PRR7: variants seen among roughly 807,000 people sequenced by gnomAD.
PRR7 encodes the protein proline rich 7, synaptic, also known as proline-rich protein 7.
A neutral mutation model predicts 18.5 loss-of-function variants in PRR7; 8 were observed. That is an observed-to-expected ratio of 0.43 (90% CI 0.25 to 0.78). The LOEUF is 0.78. Among genes scored for constraint, PRR7 ranks in the 30% least tolerant of loss-of-function variants. The pLI, the probability that PRR7 is intolerant of heterozygous loss-of-function variation, is 0.22. For missense variants in PRR7, 396 were observed against 403.1 expected (o/e 0.98, Z 0.15); for synonymous variants, 221 against 187.7 (o/e 1.18, Z -1.45).
chr5:177,453,261 G>T (rs909960046), intron 1 of PRR7, among the ~76,000 whole-genome samples: 1 of 152,196 alleles, frequency 6.6e-6, no homozygotes, highest in Non-Finnish European at 1.5e-5. Context: ...CTGGCAGACC[G>T]GGGGACCTCT....
upstream of PRR7, chr5:177,446,745 C>T (rs910103952): frequency 1.3e-5 from 2 of 151,374 alleles, no homozygotes; most frequent in Non-Finnish European, 3.0e-5. This position sits in a 1 kb window ranked among gnomAD's most constrained non-coding sequence, Gnocchi z 5.3. Context: ...CCTCTGCCGG[C>T]TGCCGCGCGC....
In PRR7 at chr5:177,455,534, G is replaced by A. The variant is rs1436188088; in HGVS notation, c.427+40G>A. On this transcript the variant is annotated intron_variant, in intron 3 of 3. Coordinates refer to ENST00000323249, the MANE Select transcript of PRR7 (RefSeq NM_030567.5). This position sits in a 1 kb window ranked among gnomAD's most constrained non-coding sequence, Gnocchi z 6.9. ...CCGCCAGGGGGCGATCCGGGCCGCC[G>A]GAAGTGGGCGGGCGTTGGAGGGCTC... The A allele has an allele frequency of 1.4e-6, 2 of 1,443,344 alleles. No individual in the cohort carries two copies. The highest frequency in any genetic ancestry group is 2.9e-5 in the South Asian group (2 of 70,142). 89.4% of individuals were successfully genotyped at this position (1,443,344 alleles called of 1,614,324 possible).
rs1422241417 is a variant in PRR7, at chr5:177,456,048, G to C, written c.752G>C (p.Arg251Pro). 4.4e-6 allele frequency: 7 copies of C among 1,576,100 alleles called. No individual in the cohort carries two copies. Among genetic ancestry groups the C allele is most frequent in the Non-Finnish European group, 6.0e-6 (7 of 1,167,586 alleles). The change falls in exon 4 of 4, where the codon CGC (arginine) becomes CCC (proline). Residue 251 changes from arginine (R) to proline (P), a missense_variant. This residue lies in a region of PRR7 where 383 missense variants were observed against 372.6 expected (regional missense o/e 1.03). Coordinates refer to ENST00000323249, the MANE Select transcript of PRR7 (RefSeq NM_030567.5). ...TGGACCGACTCAGAGCTCAGCAGCCGCGAGCCCCTGGAGCACGGAGCTTGG... is the reference window on the plus strand; with the variant it reads ...TGGACCGACTCAGAGCTCAGCAGCCCCGAGCCCCTGGAGCACGGAGCTTGG... The part of the protein sequence containing the change: ...PSWTDSELSS[R>P]EPLEHGAWRL...
At chr5:177,451,941 T>TG (rs57811523) in intron 1 of PRR7, among the ~76,000 whole-genome samples, 77,602 of 152,028 alleles carry the variant, frequency 0.51, 20,256 homozygotes, top group Non-Finnish European at 0.56. Context: ...ACCCTTTGCA[T>TG]GATTAGCTTC....
rs767635780 is a variant in PRR7 at position 177,455,905 on chromosome 5, G to T, written c.609G>T (p.Pro203=). The change falls in exon 4 of 4, where the codon CCG becomes CCT. Residue 203 remains proline (P), a synonymous_variant. Transcript: ENST00000323249. This position sits in a 1 kb window ranked among gnomAD's most constrained non-coding sequence, Gnocchi z 6.9. ...KQEQPPPSYK[P]LFLDRGYTSA... ...AGCAGCCGCCTCCCAGCTACAAGCC[G>T]CTCTTCCTGGACCGGGGCTACACCT... 3 of 1,609,356 alleles carry T rather than the reference G, an allele frequency of 1.9e-6. No homozygotes were observed. The highest frequency in any genetic ancestry group is 2.5e-6 in the Non-Finnish European group (3 of 1,179,348).
rs1756138415 is a variant in PRR7 at position 177,450,657 on chromosome 5, C to T, written c.-324-3299C>T. On this transcript the variant is annotated intron_variant, in intron 1 of 3. Coordinates refer to ENST00000323249, the MANE Select transcript of PRR7 (RefSeq NM_030567.5). The surrounding 1 kb of genome is among the most constrained non-coding windows in gnomAD (Gnocchi z 6.6). ...CCCGGAACATCCTGGCATCATTGGG[C>T]TTCCCATCCCTGAGGGGTGAGGTGG... Among the ~76,000 whole-genome samples, 1 of 152,242 alleles carries T rather than the reference C, an allele frequency of 6.6e-6. No homozygotes were observed. Among genetic ancestry groups the T allele is most frequent in the African/African-American group, 2.4e-5 (1 of 41,466 alleles).
rs1380383573 is a variant in PRR7 at position 177,450,202 on chromosome 5, C to CA, written c.-325+3243dup. Among the ~76,000 whole-genome samples the CA allele has an allele frequency of 2.0e-5, 3 of 152,108 alleles. No homozygotes were observed. The highest frequency in any genetic ancestry group is 2.9e-5 in the Non-Finnish European group (2 of 68,022). The stretch of plus-strand genomic sequence containing the variant: ...CAGGCTGTCAGTCTGTCCTGCCCCC[C>CA]AGCCCTCACCCCCTGCTCTGAGTTC... On this transcript the variant is annotated intron_variant, in intron 1 of 3. Transcript: ENST00000323249. The surrounding 1 kb of genome is among the most constrained non-coding windows in gnomAD (Gnocchi z 6.6).
upstream of PRR7, chr5:177,446,215 AG>A (rs1755871756): frequency 6.6e-6 from 1 of 152,132 alleles, no homozygotes; most frequent in South Asian, 2.1e-4. The surrounding 1 kb of genome is among the most constrained non-coding windows in gnomAD (Gnocchi z 5.3). Flanking sequence ...GGCGCTCTCT[AG>A]GGGTCATCTG....
At chr5:177,453,349 G>C (rs1756245218) in intron 1 of PRR7, among the ~76,000 whole-genome samples, 1 of 152,196 alleles carries the variant, frequency 6.6e-6, no homozygotes, top group Non-Finnish European at 1.5e-5. Context: ...CCAGTGACTG[G>C]CAGCATCGTG....
chr5:177,455,400 GCACGCGCACCCACACCCGCACCAC>G lies in PRR7; in HGVS notation c.341_364del (p.His114_Ala121del), dbSNP rs1581706945. The G allele has an allele frequency of 6.7e-7, 1 of 1,494,156 alleles. No individual in the cohort carries two copies. The highest frequency in any genetic ancestry group is 8.9e-7 in the Non-Finnish European group (1 of 1,128,656). The allele number at this position is 1,494,156 out of a possible 1,614,324, so 92.6% of individuals were successfully genotyped here. A position where few individuals can be genotyped will look rare whatever the true frequency, so the allele number is the denominator to read the frequency against. On this transcript the variant is annotated inframe_deletion, in exon 3 of 4. Transcript: ENST00000323249. The surrounding 1 kb of genome is among the most constrained non-coding windows in gnomAD (Gnocchi z 6.9). ...ACCACGGGCCCGCGCAGCCGCACGC[GCACGCGCACCCACACCCGCACCAC>G]CACGCGCTCCCGCACCCGCCGCCTA...
Position 177,454,210 on chromosome 5 carries a change from A to G in PRR7, c.-240+170A>G, listed in dbSNP as rs542918568. On this transcript the variant is annotated intron_variant, in intron 2 of 3. Transcript: ENST00000323249. The surrounding 1 kb of genome is among the most constrained non-coding windows in gnomAD (Gnocchi z 4.7). ...CAGGGCGCCTGGAGGAAAGGAAGAG[A>G]GTGTGGCCCACGCCCGGCGCGGCGC... is the stretch of plus-strand genomic sequence containing the variant. 6.6e-6 allele frequency among the ~76,000 whole-genome samples: 1 copy of G among 152,274 alleles called. No homozygotes were observed. The highest frequency in any genetic ancestry group is 2.1e-4 in the South Asian group (1 of 4,826).
rs149528025 is a variant in PRR7, at chr5:177,453,432, C to T, written c.-324-524C>T. On this transcript the variant is annotated intron_variant, in intron 1 of 3. Coordinates refer to ENST00000323249, the MANE Select transcript of PRR7 (RefSeq NM_030567.5). Reference sequence around the variant, plus strand: ...GAGGGGGCGGGCAGAGCTATGGTTCCTGCCATTGTCTGTTCTGGAACGCAG... The same window carrying T: ...GAGGGGGCGGGCAGAGCTATGGTTCTTGCCATTGTCTGTTCTGGAACGCAG... Among the ~76,000 whole-genome samples the T allele has an allele frequency of 3.2e-3, 494 of 152,350 alleles. 1 individual carries two copies. Among genetic ancestry groups the T allele is most frequent in the African/African-American group, 0.011 (472 of 41,572 alleles).
At chr5:177,446,778 G>T (rs1283434725), upstream of PRR7, 1 of 151,104 alleles carries the variant, frequency 6.6e-6, no homozygotes, top group Non-Finnish European at 1.5e-5. This position sits in a 1 kb window ranked among gnomAD's most constrained non-coding sequence, Gnocchi z 5.3. Flanking sequence ...CTCAGCACCC[G>T]CCGTGTACGC....
chr5:177,456,254 G>A lies in PRR7; in HGVS notation c.*133G>A, dbSNP rs775055807. 8.6e-4 allele frequency: 1,018 copies of A among 1,187,416 alleles called. 1 individual carries two copies. The highest frequency in any genetic ancestry group is 1.1e-3 in the Non-Finnish European group (972 of 894,248). The allele number at this position is 1,187,416 out of a possible 1,614,324, so 73.6% of individuals were successfully genotyped here. On this transcript the variant is annotated 3_prime_UTR_variant, in exon 4 of 4. Coordinates refer to ENST00000323249, the MANE Select transcript of PRR7 (RefSeq NM_030567.5). ...CTTATCCCGTTTGTTACATTTTGAG[G>A]ATAATAAAGGTGTGTGATCTGGTTT... is the stretch of plus-strand genomic sequence containing the variant.
At chr5:177,453,702 C>T (rs1443950750) in intron 1 of PRR7, among the ~76,000 whole-genome samples, 1 of 152,122 alleles carries the variant, frequency 6.6e-6, no homozygotes, top group African/African-American at 2.4e-5. Context: ...ACCCCCCACC[C>T]CACTCAGGCT....
chr5:177,456,072 G>T lies in PRR7; in HGVS notation c.776G>T (p.Trp259Leu). Residue 259 changes from tryptophan to leucine, a missense_variant, in exon 4 of 4, where the codon TGG (tryptophan) becomes TTG (leucine). Physicochemically the swap from Trp to Leu is moderately conservative, Grantham distance 61. Around this residue, in one of 2 missense-constraint regions of PRR7, gnomAD observed 383 missense variants for 372.6 expected, o/e 1.03. Transcript: ENST00000323249. ...SSREPLEHGA[W>L]RLPVSIPLFG... is the part of the protein sequence containing the mutation. The stretch of plus-strand genomic sequence containing the variant: ...CGCGAGCCCCTGGAGCACGGAGCTT[G>T]GCGTCTGCCGGTCTCCATCCCCTTG... 6.4e-7 allele frequency: 1 copy of T among 1,573,676 alleles called. No homozygotes were observed. The highest frequency in any genetic ancestry group is 8.6e-7 in the Non-Finnish European group (1 of 1,166,910).
chr5:177,447,898 C>T (rs141120310), intron 1 of PRR7, among the ~76,000 whole-genome samples: 1 of 152,208 alleles, frequency 6.6e-6, no homozygotes. Flanking sequence ...GCACAATGCC[C>T]CAACTGTACT....
chr5:177,452,613 C>T (rs1410900397), intron 1 of PRR7, among the ~76,000 whole-genome samples: 1 of 152,194 alleles, frequency 6.6e-6, no homozygotes, highest in Non-Finnish European at 1.5e-5. Flanking sequence ...ACCCACTCCA[C>T]CTGGGGGTGG....
rs186884562 is a variant in PRR7 at position 177,453,966 on chromosome 5, T to G, written c.-314T>G. On this transcript the variant is annotated 5_prime_UTR_variant, in exon 2 of 4. Coordinates refer to ENST00000323249, the MANE Select transcript of PRR7 (RefSeq NM_030567.5). ...CTACCTCCCTCTTAGGGTGCAAGGT[T>G]CCCCCTCTCACCCGCAGCTGTGGAG... 725 of 152,328 alleles carry G rather than the reference T, an allele frequency of 4.8e-3. 3 individuals carry two copies. Among genetic ancestry groups the G allele is most frequent in the Admixed American group, 8.8e-3 (135 of 15,304 alleles). The allele number at this position is 152,328 out of a possible 1,614,324, so 9.4% of individuals were successfully genotyped here. A position where few individuals can be genotyped will look rare whatever the true frequency, so the allele number is the denominator to read the frequency against.
Sources: gnomAD v4.1 joint callset for allele counts (sites outside exome capture counted in the v4.1 genomes callset) on GRCh38, gnomAD v4.1.1 for gene constraint, gnomAD v4.1.1 regional missense constraint, Gnocchi (gnomAD v3.1) non-coding constraint, MANE v1.5 for transcripts, NCBI Gene and HGNC (gene_info 2026-07-23, HGNC 2026-07-21) for gene names.